Variants in THOC7 observed in about 807,000 individuals in gnomAD.
The protein encoded by THOC7 is THO complex subunit 7.
In THOC7, 22 loss-of-function variants were observed where a neutral mutation model predicts 33.1. The observed-to-expected ratio is 0.66, with a 90% CI of 0.47 to 0.95. The LOEUF (loss-of-function observed/expected upper bound fraction) is 0.95, where lower values mean the gene tolerates loss of function less well. THOC7 is among the 40% of genes least tolerant of loss of function. The pLI, the probability that THOC7 is intolerant of heterozygous loss-of-function variation, is 0.00. For missense variants in THOC7, 184 were observed against 245.3 expected, an observed-to-expected ratio of 0.75 and a Z score of 1.67; for synonymous variants, 77 against 76.8, an observed-to-expected ratio of 1.00 and a Z score of -0.01.
At chr3:63,848,302 T>G (rs925261435) in intron 1 of THOC7, 2 of 152,204 alleles carry the variant, frequency 1.3e-5, no homozygotes, top group Non-Finnish European at 2.9e-5. Flanking sequence ...TTCATCTGTG[T>G]CAGAACCTTG....
chr3:63,834,079 T>C lies in THOC7; in HGVS notation c.*53A>G. 1 of 1,581,652 alleles carries C rather than the reference T, an allele frequency of 6.3e-7. No individual in the cohort carries two copies. The highest frequency in any genetic ancestry group is 8.7e-7 in the Non-Finnish European group (1 of 1,152,190). ...AGAGCATACCACATTTTAAACACAT[T>C]ATGGTCATGTAGCTATTTCAATATT... On this transcript the variant is annotated 3_prime_UTR_variant, in exon 8 of 8. Coordinates refer to ENST00000295899, the MANE Select transcript of THOC7 (RefSeq NM_025075.4).
chr3:63,835,121 A>G (rs1413982208), intron 7 of THOC7, 33 bp downstream of exon 7: 2 of 1,605,134 alleles, frequency 1.2e-6, no homozygotes, highest in East Asian at 2.2e-5. Context: ...AAAAATCTTC[A>G]TAAGCATTTA....
chr3:63,834,488 C>T (rs780352696), intron 7 of THOC7, among the ~76,000 whole-genome samples: 1 of 151,664 alleles, frequency 6.6e-6, no homozygotes, highest in Admixed American at 6.6e-5. Context: ...GGTAAAACCC[C>T]GTCTCTACTA....
intron 1 of THOC7, among the ~76,000 whole-genome samples, chr3:63,860,378 T>C (rs1033276447): frequency 6.6e-6 from 1 of 152,200 alleles, no homozygotes; most frequent in Non-Finnish European, 1.5e-5. Flanking sequence ...CTTTCTAAAT[T>C]GTGATTTAGC....
chr3:63,834,255 C>A, intron 7 of THOC7, 56 bp from the exon 8 acceptor site: 1 of 1,529,894 alleles, frequency 6.5e-7, no homozygotes, highest in South Asian at 1.1e-5. Flanking sequence ...ATTTTATATT[C>A]GATGAACACA....
At chr3:63,862,976 A>AAC (rs1413991141) in intron 1 of THOC7, among the ~76,000 whole-genome samples, 6 of 151,776 alleles carry the variant, frequency 4.0e-5, no homozygotes, top group Non-Finnish European at 8.8e-5. Context: ...CACCCTTCCT[A>AAC]ACACACACAC....
rs1338162667 is a variant in THOC7, at chr3:63,860,468, T to C, written c.19+3304A>G. On this transcript the variant is annotated intron_variant, in intron 1 of 7. Transcript: ENST00000295899. ...TGAAAAGAGGTTAAGGATATGACAC[T>C]GGCTTTCATTTATAAAGACCTCAAT... Among the ~76,000 whole-genome samples, 3 of 152,186 alleles carry C rather than the reference T, an allele frequency of 2.0e-5. No individual in the cohort carries two copies. In the East Asian group the frequency reaches 5.8e-4, roughly 29 times the overall value.
At position 63,837,319 on chromosome 3, in the gene THOC7, A is replaced by G. The variant is rs73831958; in HGVS notation, c.352+657T>C. 5.3e-3 allele frequency among the ~76,000 whole-genome samples: 784 copies of G among 147,782 alleles called. 5 individuals carry two copies. Among genetic ancestry groups the G allele is most frequent in the African/African-American group, 0.018 (746 of 41,282 alleles). On this transcript the variant is annotated intron_variant, in intron 4 of 7. Transcript: ENST00000295899. Reference sequence around the variant, plus strand: ...TTCTAGTTTTTCATATCAATGTAACAGTTGTGATTACACATTATATTTTTT... The same window carrying G: ...TTCTAGTTTTTCATATCAATGTAACGGTTGTGATTACACATTATATTTTTT...
intron 1 of THOC7, among the ~76,000 whole-genome samples, chr3:63,847,028 G>A (rs1285830560): frequency 2.0e-5 from 3 of 152,096 alleles, no homozygotes; most frequent in Admixed American, 2.0e-4. Context: ...AAATTCACTA[G>A]TAGGAGGGCT....
intron 1 of THOC7, chr3:63,863,514 CG>C: frequency 8.4e-7 from 1 of 1,188,808 alleles, no homozygotes. Context: ...CCTATAGCCC[CG>C]CGCTGCCTCC....
intron 2 of THOC7, 38 bp from the exon 3 acceptor site, chr3:63,838,537 G>T: frequency 6.4e-7 from 1 of 1,568,028 alleles, no homozygotes; most frequent in South Asian, 1.2e-5. Context: ...AAAGATATTT[G>T]TGGACTGACA....
intron 1 of THOC7, among the ~76,000 whole-genome samples, chr3:63,849,671 G>T (rs1279264167): frequency 6.6e-6 from 1 of 152,182 alleles, no homozygotes; most frequent in Non-Finnish European, 1.5e-5. Flanking sequence ...ATCTTTTGTA[G>T]AAATGAGGGT....
chr3:63,834,957 T>G (rs1701599773), intron 7 of THOC7, among the ~76,000 whole-genome samples, 197 bp downstream of exon 7: 1 of 152,172 alleles, frequency 6.6e-6, no homozygotes, highest in Admixed American at 6.5e-5. Context: ...TATGTTTAAA[T>G]CCTATATTAC....
chr3:63,838,168 C>T (rs1575803270), intron 3 of THOC7, 106 bp from the exon 4 acceptor site: 1 of 1,106,422 alleles, frequency 9.0e-7, no homozygotes, highest in South Asian at 1.6e-5. Flanking sequence ...AAAATAGACA[C>T]TAGTATTTTT....
intron 1 of THOC7, among the ~76,000 whole-genome samples, chr3:63,860,200 G>A (rs1024821392): frequency 6.6e-6 from 1 of 151,612 alleles, no homozygotes; most frequent in African/African-American, 2.4e-5. Flanking sequence ...CACCACACAC[G>A]CCTGGCTAAT....
intron 1 of THOC7, among the ~76,000 whole-genome samples, chr3:63,851,108 C>T (rs1702011743): frequency 6.6e-6 from 1 of 152,194 alleles, no homozygotes; most frequent in South Asian, 2.1e-4. Context: ...TTCATGTTTT[C>T]CACCTGCTAA....
chr3:63,853,034 G>A (rs1398515728), intron 1 of THOC7, among the ~76,000 whole-genome samples: 2 of 151,854 alleles, frequency 1.3e-5, no homozygotes, highest in South Asian at 2.1e-4. Context: ...ACCTGTAATC[G>A]CAGCTACTCG....
intron 1 of THOC7, among the ~76,000 whole-genome samples, chr3:63,842,869 C>A (rs1362561137): frequency 6.6e-6 from 1 of 151,532 alleles, no homozygotes. Context: ...GCAACCTCCA[C>A]CTACTGGGTT....
intron 1 of THOC7, among the ~76,000 whole-genome samples, chr3:63,840,373 C>A (rs1701730945): frequency 6.6e-6 from 1 of 152,040 alleles, no homozygotes; most frequent in South Asian, 2.1e-4. Context: ...GGGAGTATCA[C>A]TTGAGCCCAG....
Sources: gnomAD v4.1 joint callset for allele counts (sites outside exome capture counted in the v4.1 genomes callset) on GRCh38, gnomAD v4.1.1 for gene constraint, MANE v1.5 for transcripts, NCBI Gene and HGNC (gene_info 2026-07-23, HGNC 2026-07-21) for gene names.